Variants in CUL5 observed in about 807,000 individuals in gnomAD.
CUL5 encodes cullin 5.
CUL5 carries 26 observed loss-of-function variants against 108.8 expected under a neutral mutation model. The observed-to-expected ratio is 0.24, with a 90% confidence interval of 0.18 to 0.33. The LOEUF (loss-of-function observed/expected upper bound fraction) is 0.33, where lower values mean the gene tolerates loss of function less well. CUL5 is among the 10% of genes least tolerant of loss of function. The probability of loss-of-function intolerance (pLI) is 1.00; values close to 1 mark genes in which losing one functional copy is unlikely to be tolerated. For synonymous variants in CUL5, 334 were observed against 298.0 expected (o/e 1.12, Z -1.25); for missense variants, 524 against 909.2 (o/e 0.58, Z 5.45).
chr11:108,042,849 G>A (rs944676336), intron 2 of CUL5, among the ~76,000 whole-genome samples: 2 of 151,710 alleles, frequency 1.3e-5, no homozygotes, highest in African/African-American at 2.4e-5. Flanking sequence ...TGCAACCTCC[G>A]CTTCCAGGGT....
chr11:108,088,357 G>A (rs546447899), intron 11 of CUL5, among the ~76,000 whole-genome samples, 170 bp from the exon 12 acceptor site: 5 of 152,280 alleles, frequency 3.3e-5, no homozygotes, highest in South Asian at 2.1e-4. Flanking sequence ...GAACGTAAAA[G>A]TGAGTGCCTC....
At chr11:108,037,887 C>T (rs942937923) in intron 2 of CUL5, among the ~76,000 whole-genome samples, 6 of 152,196 alleles carry the variant, frequency 3.9e-5, no homozygotes, top group African/African-American at 9.6e-5. Flanking sequence ...GTCTTGCACA[C>T]GGGTCTGTCT....
chr11:108,077,079 G>A (rs1485149052), intron 10 of CUL5, among the ~76,000 whole-genome samples: 2 of 152,148 alleles, frequency 1.3e-5, no homozygotes, highest in African/African-American at 4.8e-5. Context: ...ACTGACACAG[G>A]CTCTAATCAC....
At chr11:108,103,760 A>C (rs755852422) in intron 18 of CUL5, among the ~76,000 whole-genome samples, 14 of 152,220 alleles carry the variant, frequency 9.2e-5, no homozygotes, top group Non-Finnish European at 1.8e-4. Flanking sequence ...TTCAGCAGAG[A>C]AGCAGAGGTA....
intron 17 of CUL5, 119 bp from the exon 18 acceptor site, chr11:108,098,287 C>G: frequency 1.1e-6 from 1 of 903,082 alleles, no homozygotes; most frequent in East Asian, 2.9e-5. Context: ...GTCATTTAAC[C>G]TTTAAACAGT....
In CUL5 at chr11:108,073,398, G is replaced by T; in HGVS notation, c.1014G>T (p.Glu338Asp). The T allele has an allele frequency of 6.6e-7, 1 of 1,525,974 alleles. No homozygotes were observed. Among genetic ancestry groups the T allele is most frequent in the South Asian group, 1.2e-5 (1 of 82,620 alleles). 94.5% of individuals were successfully genotyped at this position (1,525,974 alleles called of 1,614,324 possible). A position where few individuals can be genotyped will look rare whatever the true frequency, so the allele number is the denominator to read the frequency against. ...AAAETITTDS[E>D]KYVEQLLTLF... ...AAACCTTTTGTTTCTAGGACTCTGA[G>T]AAATACGTTGAGCAGTTACTTACAC... Residue 338 changes from glutamate to aspartate, a missense_variant, in exon 10 of 19, where the codon GAG (glutamate) becomes GAT (aspartate). Transcript: ENST00000393094.
At chr11:108,076,070 C>T (rs1863934467) in intron 10 of CUL5, among the ~76,000 whole-genome samples, 1 of 151,918 alleles carries the variant, frequency 6.6e-6, no homozygotes, top group Admixed American at 6.6e-5. Flanking sequence ...GCTCTGTCAC[C>T]CAGGCTGGAG....
chr11:108,018,027 T>C (rs1380625230), intron 1 of CUL5, among the ~76,000 whole-genome samples: 2 of 152,230 alleles, frequency 1.3e-5, no homozygotes, highest in African/African-American at 4.8e-5. Context: ...AGTCTGGTTA[T>C]TCCAAATTAA....
chr11:108,013,858 C>T (rs1042114759), intron 1 of CUL5, among the ~76,000 whole-genome samples: 1 of 151,786 alleles, frequency 6.6e-6, no homozygotes, highest in Admixed American at 6.6e-5. Context: ...TACCTGAGGC[C>T]GACCTGGGCA....
chr11:108,077,289 A>G (rs1565260789), intron 10 of CUL5, among the ~76,000 whole-genome samples: 1 of 152,234 alleles, frequency 6.6e-6, no homozygotes, highest in Non-Finnish European at 1.5e-5. Flanking sequence ...AATGCTGATA[A>G]TAAATAAGAT....
intron 18 of CUL5, among the ~76,000 whole-genome samples, chr11:108,103,449 A>G (rs1001212378): frequency 2.0e-5 from 3 of 148,722 alleles, no homozygotes; most frequent in Non-Finnish European, 2.9e-5. Flanking sequence ...TAATTGAGTC[A>G]ATATAAACTG....
intron 18 of CUL5, among the ~76,000 whole-genome samples, chr11:108,103,802 A>G (rs937329176): frequency 3.3e-5 from 5 of 152,164 alleles, no homozygotes; most frequent in African/African-American, 4.8e-5. Flanking sequence ...CAAAATCTCT[A>G]TAGTCAGATT....
In CUL5 at chr11:108,046,273, T is replaced by A; in HGVS notation, c.138T>A (p.Asp46Glu). ...TTTACCTACTTTATATTCACAGGGATGTGCATGCAGTCTGTCTTTGGGATG... is the reference window on the plus strand; with the variant it reads ...TTTACCTACTTTATATTCACAGGGAAGTGCATGCAGTCTGTCTTTGGGATG... ...TKQQWFDLFSDVHAVCLWDDK... is the reference protein window; with the variant it reads ...TKQQWFDLFSEVHAVCLWDDK... The change falls in exon 3 of 19, where the codon GAT (aspartate) becomes GAA (glutamate). Residue 46 changes from aspartate (D) to glutamate (E), a missense_variant. Coordinates refer to ENST00000393094, the MANE Select transcript of CUL5 (RefSeq NM_003478.6). 1 of 1,600,548 alleles carries A rather than the reference T, an allele frequency of 6.2e-7. No homozygotes were observed. Among genetic ancestry groups the A allele is most frequent in the Admixed American group, 1.7e-5 (1 of 58,590 alleles).
chr11:108,041,652 G>A (rs866178277), intron 2 of CUL5, among the ~76,000 whole-genome samples: 12 of 147,982 alleles, frequency 8.1e-5, no homozygotes, highest in Admixed American at 1.3e-4. Flanking sequence ...GTGCAGTAGC[G>A]TGATCTCGGC....
chr11:108,088,740 G>A, intron 12 of CUL5, 81 bp downstream of exon 12: 1 of 1,064,062 alleles, frequency 9.4e-7, no homozygotes, highest in Non-Finnish European at 1.3e-6. Flanking sequence ...TTCTGTGATA[G>A]TATCAATTTA....
intron 7 of CUL5, among the ~76,000 whole-genome samples, chr11:108,065,110 C>T (rs1863641000): frequency 6.6e-6 from 1 of 151,992 alleles, no homozygotes; most frequent in South Asian, 2.1e-4. Flanking sequence ...ACTGCAAGCT[C>T]CGCCTCCTGG....
chr11:108,053,315 A>G (rs2135136489), intron 5 of CUL5, among the ~76,000 whole-genome samples: 1 of 152,242 alleles, frequency 6.6e-6, no homozygotes, highest in South Asian at 2.1e-4. Context: ...TTGGCATAGT[A>G]CTTTTGTTTA....
In CUL5 at chr11:108,093,266, A is replaced by G. The variant is rs527760699; in HGVS notation, c.1444-1125A>G. 3.4e-5 allele frequency among the ~76,000 whole-genome samples: 5 copies of G among 148,708 alleles called. No homozygotes were observed. The South Asian group carries it at 1.1e-3, about 32-fold the overall frequency. On this transcript the variant is annotated intron_variant, in intron 13 of 18. Transcript: ENST00000393094. ...TTGGAGAGTTGTCACACCCCCTGTA[A>G]TTTGGATGATCTTCTAGCATTTTAT... is the stretch of plus-strand genomic sequence containing the variant.
intron 4 of CUL5, among the ~76,000 whole-genome samples, chr11:108,051,817 A>G (rs1486936348): frequency 6.6e-6 from 1 of 152,240 alleles, no homozygotes; most frequent in Non-Finnish European, 1.5e-5. Flanking sequence ...ACTATAGGAG[A>G]ATAAACATTT....
Sources: allele counts gnomAD v4.1 joint callset (sites outside exome capture counted in the v4.1 genomes callset), GRCh38; gene constraint gnomAD v4.1.1; transcripts MANE v1.5; gene names NCBI Gene and HGNC (gene_info 2026-07-23, HGNC 2026-07-21).